Variants in NTM observed in about 807,000 individuals in gnomAD.
NTM encodes the protein neurotrimin.
A neutral mutation model predicts 42.1 loss-of-function variants in NTM; 13 were observed. The observed-to-expected ratio is 0.31, with a 90% confidence interval of 0.20 to 0.49. The LOEUF is 0.49. NTM is among the 20% of genes least tolerant of loss of function. The pLI is 0.99. For missense variants in NTM, 373 were observed against 452.8 expected, an observed-to-expected ratio of 0.82 and a Z score of 1.60; for synonymous variants, 187 against 179.2, an observed-to-expected ratio of 1.04 and a Z score of -0.35.
At chr11:132,304,664 A>T (rs932169429) in intron 4 of NTM, among the ~76,000 whole-genome samples, 1 of 152,212 alleles carries the variant, frequency 6.6e-6, no homozygotes, top group Non-Finnish European at 1.5e-5. Context: ...GTTTTGCCAT[A>T]TATGCCTCTA....
At chr11:131,475,828 G>A (rs571573241) in intron 1 of NTM, among the ~76,000 whole-genome samples, 35 of 152,208 alleles carry the variant, frequency 2.3e-4, no homozygotes, top group African/African-American at 8.4e-4. Flanking sequence ...GGTCATGGGA[G>A]ACACAGTGAG....
At chr11:131,488,422 C>G (rs1030315816) in intron 1 of NTM, among the ~76,000 whole-genome samples, 4 of 152,016 alleles carry the variant, frequency 2.6e-5, no homozygotes, top group African/African-American at 9.7e-5. Flanking sequence ...CTAGCCTGAA[C>G]TTTTTTTTAT....
intron 1 of NTM, among the ~76,000 whole-genome samples, chr11:131,630,927 A>G (rs2063591120): frequency 6.6e-6 from 1 of 152,246 alleles, no homozygotes; most frequent in Non-Finnish European, 1.5e-5. Flanking sequence ...TGGATAAACT[A>G]ACACTAAAAC....
intron 4 of NTM, among the ~76,000 whole-genome samples, chr11:132,273,309 GTTTTT>G (rs57877862): frequency 5.0e-3 from 277 of 55,658 alleles, no homozygotes; most frequent in Non-Finnish European, 6.1e-3. Flanking sequence ...GTTGACTAGT[GTTTTT>G]TTTTTTTTTT....
chr11:132,321,590 T>G (rs1299629822), intron 7 of NTM, among the ~76,000 whole-genome samples: 1 of 152,200 alleles, frequency 6.6e-6, no homozygotes, highest in Admixed American at 6.5e-5. Flanking sequence ...TGGAACCAAG[T>G]TGGAAAACAT....
At chr11:131,952,481 A>T (rs1309026877) in intron 2 of NTM, among the ~76,000 whole-genome samples, 1 of 152,214 alleles carries the variant, frequency 6.6e-6, no homozygotes, top group Non-Finnish European at 1.5e-5. Flanking sequence ...CAATGCATAC[A>T]TACTTATGGG....
chr11:131,851,131 A>G (rs1174592035), intron 1 of NTM, among the ~76,000 whole-genome samples: 3 of 152,180 alleles, frequency 2.0e-5, no homozygotes, highest in African/African-American at 7.2e-5. Flanking sequence ...GGAGAGTATT[A>G]TGAGTTCAGG....
chr11:132,313,226 A>AAAT (rs1249464559), intron 6 of NTM, among the ~76,000 whole-genome samples: 1 of 152,104 alleles, frequency 6.6e-6, no homozygotes, highest in Non-Finnish European at 1.5e-5. Context: ...AACTCCATAG[A>AAAT]AATACATTAT....
intron 2 of NTM, among the ~76,000 whole-genome samples, chr11:132,135,072 C>G (rs2067626714): frequency 6.6e-6 from 1 of 152,074 alleles, no homozygotes; most frequent in Admixed American, 6.5e-5. Context: ...ACAGAATGTC[C>G]CTCGTTAGTA....
intron 1 of NTM, among the ~76,000 whole-genome samples, chr11:131,821,351 C>T: frequency 6.6e-6 from 1 of 152,188 alleles, no homozygotes; most frequent in Non-Finnish European, 1.5e-5. Flanking sequence ...CCAGGCAGGG[C>T]AATTCCTGCT....
chr11:131,553,785 C>T (rs1472494917), intron 1 of NTM, among the ~76,000 whole-genome samples: 1 of 152,178 alleles, frequency 6.6e-6, no homozygotes, highest in African/African-American at 2.4e-5. Context: ...CAAGTTATAT[C>T]ATAGTTGTAA....
rs543553398 is a variant in NTM at position 132,110,856 on chromosome 11, G to C, written c.168-35426G>C. ...TCGAGACCAGCCTGGGCAACATAGA[G>C]AGACCTCATCTCTACTAAAAATAAA... On this transcript the variant is annotated intron_variant, in intron 2 of 8. Coordinates refer to ENST00000683400, the MANE Select transcript of NTM (RefSeq NM_001352005.2). Among the ~76,000 whole-genome samples the C allele has an allele frequency of 3.3e-5, 5 of 151,716 alleles. No individual in the cohort carries two copies. The South Asian group carries it at 1.0e-3, about 32-fold the overall frequency.
chr11:132,234,824 T>C (rs1933495245), intron 4 of NTM, among the ~76,000 whole-genome samples: 1 of 152,260 alleles, frequency 6.6e-6, no homozygotes, highest in Admixed American at 6.5e-5. Context: ...ATTTATATTC[T>C]TCTACATAAC....
At chr11:132,036,266 C>T (rs1279354671) in intron 2 of NTM, among the ~76,000 whole-genome samples, 1 of 152,122 alleles carries the variant, frequency 6.6e-6, no homozygotes, top group East Asian at 1.9e-4. Context: ...ATAATAACAG[C>T]ATGCTGTGGC....
At chr11:131,659,766 T>C (rs2067710618) in intron 1 of NTM, among the ~76,000 whole-genome samples, 1 of 152,114 alleles carries the variant, frequency 6.6e-6, no homozygotes, top group African/African-American at 2.4e-5. Flanking sequence ...GAAATCTCTT[T>C]GGGGGATGCA....
Position 131,794,781 on chromosome 11 carries a change from C to G in NTM, c.83-116783C>G, listed in dbSNP as rs543190951. 2.3e-5 allele frequency: 23 copies of G among 985,376 alleles called. No homozygotes were observed. The African/African-American group carries it at 3.8e-4, about 16-fold the overall frequency. 61.0% of individuals were successfully genotyped at this position (985,376 alleles called of 1,614,324 possible). A position where few individuals can be genotyped will look rare whatever the true frequency, so the allele number is the denominator to read the frequency against. ...TGAGCTCCACACACCATGTGAAAAG[C>G]ATTCATGTACTTTGGAAGCCCCTAC... On this transcript the variant is annotated intron_variant, in intron 1 of 8. Transcript: ENST00000683400.
intron 2 of NTM, among the ~76,000 whole-genome samples, chr11:132,088,327 T>G (rs960666502): frequency 3.9e-5 from 6 of 152,016 alleles, no homozygotes; most frequent in African/African-American, 2.4e-5. Context: ...GGAAAGATAT[T>G]TTTGGGTTCA....
intron 1 of NTM, among the ~76,000 whole-genome samples, chr11:131,417,467 T>C (rs191743692): frequency 3.9e-5 from 6 of 152,256 alleles, no homozygotes; most frequent in African/African-American, 1.4e-4. Context: ...TAGAGCAAAC[T>C]TGAAGGCAGT....
chr11:132,213,235 C>A (rs1471131775), intron 4 of NTM, among the ~76,000 whole-genome samples: 1 of 152,074 alleles, frequency 6.6e-6, no homozygotes, highest in East Asian at 1.9e-4. Context: ...TGCTTTTGGT[C>A]TCAACTCCCA....
Sources: allele counts gnomAD v4.1 joint callset (sites outside exome capture counted in the v4.1 genomes callset), GRCh38; gene constraint gnomAD v4.1.1; transcripts MANE v1.5; gene names NCBI Gene and HGNC (gene_info 2026-07-23, HGNC 2026-07-21).